The following SLC9B2 variants were observed in gnomAD, a reference collection of about 807,000 sequenced individuals.
The protein encoded by SLC9B2 is sodium/hydrogen exchanger 9B2.
Under a neutral mutation model 52.2 loss-of-function variants are expected in SLC9B2, and 39 were observed. The ratio of observed to expected loss-of-function variants is 0.75; its 90% confidence interval spans 0.58 to 0.98. SLC9B2 has a LOEUF of 0.98. SLC9B2 is among the 50% of genes least tolerant of loss of function. The pLI, the probability that SLC9B2 is intolerant of heterozygous loss-of-function variation, is 0.00. For missense variants in SLC9B2, 626 were observed against 637.5 expected, an observed-to-expected ratio of 0.98 and a Z score of 0.19; for synonymous variants, 214 against 227.0, an observed-to-expected ratio of 0.94 and a Z score of 0.51.
intron 4 of SLC9B2, among the ~76,000 whole-genome samples, chr4:103,055,038 C>T (rs1238874771): frequency 6.6e-6 from 1 of 152,080 alleles, no homozygotes; most frequent in African/African-American, 2.4e-5. Flanking sequence ...CACATATACA[C>T]CATGGAATAC....
intron 4 of SLC9B2, among the ~76,000 whole-genome samples, chr4:103,051,851 C>T (rs1744715264): frequency 6.6e-6 from 1 of 152,182 alleles, no homozygotes. Context: ...ATAATATATC[C>T]TGGACATTTT....
intron 1 of SLC9B2, among the ~76,000 whole-genome samples, chr4:103,073,552 C>T (rs1253167765): frequency 1.3e-5 from 2 of 152,216 alleles, no homozygotes; most frequent in East Asian, 1.9e-4. Context: ...TGAATGAGAA[C>T]TACCTTATCT....
At chr4:103,055,839 G>C (rs891012018) in intron 4 of SLC9B2, among the ~76,000 whole-genome samples, 2 of 143,590 alleles carry the variant, frequency 1.4e-5, no homozygotes, top group Non-Finnish European at 3.0e-5. Context: ...ATTCTCGCTC[G>C]GTCACCCAGG....
At chr4:103,063,365 A>G (rs1018889132) in intron 3 of SLC9B2, among the ~76,000 whole-genome samples, 10 of 152,204 alleles carry the variant, frequency 6.6e-5, no homozygotes, top group African/African-American at 2.4e-4. Flanking sequence ...TAGAGCCTAA[A>G]GTATAGTATA....
intron 1 of SLC9B2, among the ~76,000 whole-genome samples, chr4:103,071,339 G>A (rs1226563089): frequency 6.6e-6 from 1 of 150,914 alleles, no homozygotes; most frequent in Non-Finnish European, 1.5e-5. Context: ...AAGTAGCTAG[G>A]ACTAGAGGCA....
intron 3 of SLC9B2, among the ~76,000 whole-genome samples, chr4:103,063,065 G>A (rs1047702131): frequency 3.3e-5 from 5 of 152,076 alleles, no homozygotes; most frequent in Non-Finnish European, 5.9e-5. Flanking sequence ...CTTTATGAAC[G>A]ATTATACATT....
At chr4:103,074,630 CAG>C (rs1469328860) in intron 1 of SLC9B2, among the ~76,000 whole-genome samples, 2 of 152,156 alleles carry the variant, frequency 1.3e-5, no homozygotes, top group African/African-American at 4.8e-5. Context: ...TTTTAGTCAA[CAG>C]AAATTATTTG....
In SLC9B2 at chr4:103,023,128, T is replaced by C. The variant is rs1741918819; in HGVS notation, c.*3242A>G. 6.6e-6 allele frequency among the ~76,000 whole-genome samples: 1 copy of C among 152,176 alleles called. No homozygotes were observed. On this transcript the variant is annotated 3_prime_UTR_variant, in exon 12 of 12. Coordinates refer to ENST00000394785, the MANE Select transcript of SLC9B2 (RefSeq NM_178833.7). ...ACTAAGTGGACTAAGATCCGAACTG[T>C]CGTGTGGCAAGTAGTTTTCTGATAT...
chr4:103,072,266 C>T (rs984860356), intron 1 of SLC9B2, among the ~76,000 whole-genome samples: 2 of 151,996 alleles, frequency 1.3e-5, no homozygotes, highest in Admixed American at 6.6e-5. Flanking sequence ...ACCATGTTGG[C>T]CAGGCTGGTC....
At chr4:103,040,358 T>C (rs1161033400) in intron 9 of SLC9B2, among the ~76,000 whole-genome samples, 2 of 152,216 alleles carry the variant, frequency 1.3e-5, no homozygotes, top group Non-Finnish European at 2.9e-5. Context: ...TTCTAAAGTG[T>C]AGACAAAGGC....
rs561647406 is a variant in SLC9B2 at position 103,058,554 on chromosome 4, T to C, written c.272-583A>G. ...CTGGGACTACAGGTGTGTACCACCA[T>C]GCCTGGCTAATTTCTTAAAAATTTT... On this transcript the variant is annotated intron_variant, in intron 3 of 11. Transcript: ENST00000394785. 1.3e-3 allele frequency among the ~76,000 whole-genome samples: 204 copies of C among 152,258 alleles called. 2 individuals carry two copies. Among genetic ancestry groups the C allele is most frequent in the African/African-American group, 4.8e-3 (201 of 41,556 alleles).
chr4:103,056,244 T>C (rs2110635052), intron 4 of SLC9B2, among the ~76,000 whole-genome samples: 1 of 152,048 alleles, frequency 6.6e-6, no homozygotes, highest in African/African-American at 2.4e-5. Context: ...CATGGTATTT[T>C]ATTTCATTTT....
intron 3 of SLC9B2, 110 bp downstream of exon 3, chr4:103,066,214 GTTT>G (rs1746107338): frequency 7.9e-7 from 1 of 1,273,120 alleles, no homozygotes; most frequent in African/African-American, 1.5e-5. Flanking sequence ...TCACCAACTA[GTTT>G]TTATGTTTGG....
chr4:103,043,302 G>C lies in SLC9B2; in HGVS notation c.1140C>G (p.Ser380Arg). ...MAFLAGMGWTSEKAEVEKIIA... is the reference protein window; with the variant it reads ...MAFLAGMGWTREKAEVEKIIA... ...AACTTAAAATGAAATTCACCTTTTCGCTGGTCCATCCCATGCCTGCAAGGA... is the reference window on the plus strand; with the variant it reads ...AACTTAAAATGAAATTCACCTTTTCCCTGGTCCATCCCATGCCTGCAAGGA... The change falls in exon 9 of 12, where the codon AGC (serine) becomes AGG (arginine). Residue 380 changes from serine (S) to arginine (R), a missense_variant. Transcript: ENST00000394785. 1 of 1,598,854 alleles carries C rather than the reference G, an allele frequency of 6.3e-7. No individual in the cohort carries two copies. Among genetic ancestry groups the C allele is most frequent in the Non-Finnish European group, 8.5e-7 (1 of 1,176,204 alleles).
At position 103,028,779 on chromosome 4, in the gene SLC9B2, A is replaced by C. The variant is rs751809874; in HGVS notation, c.1360T>G (p.Ser454Ala). Residue 454 changes from serine (S) to alanine (A), a missense_variant, in exon 11 of 12, where the codon TCT becomes GCT. By Grantham distance (99) the Ser-to-Ala change is moderately conservative. Transcript: ENST00000394785. ...GTGGCCTTTGGAAGCCATGCAAAAG[A>C]AATAAATATCTTTTCTTTTAAGTTA... is the stretch of plus-strand genomic sequence containing the variant. Reference protein sequence around the residue: ...GFNLKEKIFISFAWLPKATVQ... With the variant: ...GFNLKEKIFIAFAWLPKATVQ... 1.9e-6 allele frequency: 3 copies of C among 1,609,086 alleles called. No individual in the cohort carries two copies. In the African/African-American group the frequency reaches 4.0e-5, roughly 22 times the overall value.
At position 103,022,797 on chromosome 4, in the gene SLC9B2, G is replaced by A. The variant is rs1741889261; in HGVS notation, c.*3573C>T. The stretch of plus-strand genomic sequence containing the variant: ...TCCAATGTGATGTATTTAGATATGA[G>A]GATTTGGGAAGGCAATTAGATTTGG... On this transcript the variant is annotated 3_prime_UTR_variant, in exon 12 of 12. Transcript: ENST00000394785. Among the ~76,000 whole-genome samples the A allele has an allele frequency of 6.6e-6, 1 of 152,188 alleles. No individual in the cohort carries two copies. Among genetic ancestry groups the A allele is most frequent in the African/African-American group, 2.4e-5 (1 of 41,432 alleles).
At chr4:103,046,792 C>T (rs1452569751) in intron 7 of SLC9B2, among the ~76,000 whole-genome samples, 1 of 152,044 alleles carries the variant, frequency 6.6e-6, no homozygotes, top group Non-Finnish European at 1.5e-5. Context: ...CAAGCAGAAA[C>T]TGTTCTTTAA....
At chr4:103,053,949 C>T (rs111248930) in intron 4 of SLC9B2, among the ~76,000 whole-genome samples, 1,959 of 152,134 alleles carry the variant, frequency 0.013, 40 homozygotes, top group African/African-American at 0.041. Flanking sequence ...GTGATCTGCC[C>T]GCCTCGGCCT....
rs749463399 is a variant in SLC9B2, at chr4:103,023,092, G to C, written c.*3278C>G. Among the ~76,000 whole-genome samples the C allele has an allele frequency of 1.2e-4, 19 of 152,184 alleles. No homozygotes were observed. Among genetic ancestry groups the C allele is most frequent in the Non-Finnish European group, 2.6e-4 (18 of 68,024 alleles). The stretch of plus-strand genomic sequence containing the variant: ...GTATTTTGTTATAGCAGCCCAAGCT[G>C]ACTAAGATAGACTAAGTGGACTAAG... On this transcript the variant is annotated 3_prime_UTR_variant, in exon 12 of 12. Transcript: ENST00000394785.
Sources: allele counts gnomAD v4.1 joint callset (sites outside exome capture counted in the v4.1 genomes callset), GRCh38; gene constraint gnomAD v4.1.1; transcripts MANE v1.5; gene names NCBI Gene and HGNC (gene_info 2026-07-23, HGNC 2026-07-21).